CMTM4: variants seen among roughly 807,000 people sequenced by gnomAD.
CMTM4 encodes CKLF-like MARVEL transmembrane domain-containing protein 4.
Under a neutral mutation model 19.0 loss-of-function variants are expected in CMTM4, and 8 were observed. That is an observed-to-expected ratio of 0.42 (90% CI 0.25 to 0.76). CMTM4 has a LOEUF of 0.76. Among genes scored for constraint, CMTM4 ranks in the 30% least tolerant of loss-of-function variants. The pLI is 0.27. For missense variants in CMTM4, 228 were observed against 290.2 expected (o/e 0.79, Z 1.56); for synonymous variants, 106 against 121.1 (o/e 0.88, Z 0.82).
chr16:66,606,272 C>G, the CMTM4 span, among the ~76,000 whole-genome samples: 1 of 151,972 alleles, frequency 6.6e-6, no homozygotes, highest in African/African-American at 2.4e-5. Flanking sequence ...AGGAAGTGGC[C>G]CCAGAAATCG....
At chr16:66,691,678 GCA>G (rs2017138329) in intron 1 of CMTM4, among the ~76,000 whole-genome samples, 1 of 152,174 alleles carries the variant, frequency 6.6e-6, no homozygotes, top group Admixed American at 6.5e-5. Flanking sequence ...TCCAGCCTGG[GCA>G]CAGAGCAGGA....
chr16:66,683,183 A>G lies in CMTM4; in HGVS notation c.186+13157T>C, dbSNP rs531685232. Among the ~76,000 whole-genome samples the G allele has an allele frequency of 4.8e-3, 438 of 90,538 alleles. 2 individuals are homozygous for G. The highest frequency in any genetic ancestry group is 0.024 in the South Asian group (47 of 1,922). 59.4% of individuals were successfully genotyped at this position (90,538 alleles called of 152,430 possible). ...TACGTATATATATATATACATATGT[A>G]TATATATATACATATATATATATAT... On this transcript the variant is annotated intron_variant, in intron 1 of 3. Coordinates refer to ENST00000394106, the MANE Select transcript of CMTM4 (RefSeq NM_181521.3).
intron 1 of CMTM4, among the ~76,000 whole-genome samples, chr16:66,690,143 C>T (rs998810737): frequency 6.6e-6 from 1 of 152,170 alleles, no homozygotes; most frequent in Non-Finnish European, 1.5e-5. Flanking sequence ...TACAAGGAGC[C>T]ACAGAATGGT....
chr16:66,610,117 G>A, downstream of CMTM4: 1 of 1,396,960 alleles, frequency 7.2e-7, no homozygotes, highest in Non-Finnish European at 9.9e-7. The surrounding 1 kb of genome is among the most constrained non-coding windows in gnomAD (Gnocchi z 4.6). Context: ...CCCATGGCAG[G>A]AAGTGTTTTC....
Position 66,636,387 on chromosome 16 carries a change from G to A in CMTM4, c.363+18C>T, listed in dbSNP as rs920732235. On this transcript the variant is annotated intron_variant, in intron 2 of 3. Coordinates refer to ENST00000394106, the MANE Select transcript of CMTM4 (RefSeq NM_181521.3). Reference sequence around the variant, plus strand: ...GGCACGTGATCCTTTCATGGCCAGAGTGGCCGCTTGTACTCACTGTCAGAT... The same window carrying A: ...GGCACGTGATCCTTTCATGGCCAGAATGGCCGCTTGTACTCACTGTCAGAT... 1 of 1,606,784 alleles carries A rather than the reference G, an allele frequency of 6.2e-7. No homozygotes were observed. The highest frequency in any genetic ancestry group is 8.5e-7 in the Non-Finnish European group (1 of 1,174,172).
At chr16:66,645,533 C>A (rs530237514) in intron 1 of CMTM4, among the ~76,000 whole-genome samples, 1 of 151,924 alleles carries the variant, frequency 6.6e-6, no homozygotes, top group Non-Finnish European at 1.5e-5. Flanking sequence ...GCCAAGATTG[C>A]GCCACTGCAT....
At chr16:66,612,334 C>T (rs988971125), downstream of CMTM4, among the ~76,000 whole-genome samples, 6 of 152,096 alleles carry the variant, frequency 3.9e-5, no homozygotes, top group Non-Finnish European at 7.4e-5. This position sits in a 1 kb window ranked among gnomAD's most constrained non-coding sequence, Gnocchi z 6.0. Context: ...GAGATCCCGC[C>T]ATTGCACTCC....
chr16:66,602,898 T>C, the CMTM4 span, among the ~76,000 whole-genome samples: 1 of 152,136 alleles, frequency 6.6e-6, no homozygotes, highest in Admixed American at 6.5e-5. Context: ...AGTGAGCACA[T>C]GGGCTCAAGC....
chr16:66,605,251 C>A, the CMTM4 span: 13 of 264,204 alleles, frequency 4.9e-5, no homozygotes, highest in Non-Finnish European at 2.9e-5. The surrounding 1 kb of genome is among the most constrained non-coding windows in gnomAD (Gnocchi z 4.6). Context: ...GTGAGCCAGG[C>A]GCCCCCGCCC....
intron 1 of CMTM4, among the ~76,000 whole-genome samples, chr16:66,677,708 T>C (rs1477135284): frequency 6.6e-6 from 1 of 151,842 alleles, no homozygotes; most frequent in Non-Finnish European, 1.5e-5. Flanking sequence ...GGTCAAGATT[T>C]TTTTTTTTTT....
At chr16:66,605,599 G>GAGGGAGAGGCCGGGCCGGAGAC in the CMTM4 span, 4 of 153,118 alleles carry the variant, frequency 2.6e-5, no homozygotes, top group Admixed American at 6.5e-5. The surrounding 1 kb of genome is among the most constrained non-coding windows in gnomAD (Gnocchi z 4.6). Flanking sequence ...TGGGGATGGG[G>GAGGGAGAGGCCGGGCCGGAGAC]AGGGAGAGGC....
At chr16:66,693,218 CTA>C in intron 1 of CMTM4, among the ~76,000 whole-genome samples, 1 of 151,576 alleles carries the variant, frequency 6.6e-6, no homozygotes, top group African/African-American at 2.4e-5. Context: ...GAACAAAAGT[CTA>C]ACACAAAGAA....
In CMTM4 at chr16:66,623,595, A is replaced by G. The variant is rs925520197; in HGVS notation, c.364-93T>C. ...GAACTTTCAAAATAAGACCCACGAT[A>G]CCCAACCTCCCTGGTGGCTCCATAT... On this transcript the variant is annotated intron_variant, in intron 2 of 3. Coordinates refer to ENST00000394106, the MANE Select transcript of CMTM4 (RefSeq NM_181521.3). 5.4e-5 allele frequency: 41 copies of G among 762,962 alleles called. No homozygotes were observed. The East Asian group carries it at 1.0e-3, about 19-fold the overall frequency. 47.3% of individuals were successfully genotyped at this position (762,962 alleles called of 1,614,324 possible).
chr16:66,686,983 G>A (rs1286448016), intron 1 of CMTM4, among the ~76,000 whole-genome samples: 1 of 152,056 alleles, frequency 6.6e-6, no homozygotes, highest in Non-Finnish European at 1.5e-5. Context: ...CTTTTCATTT[G>A]AGTCTGTCAT....
In CMTM4 at chr16:66,618,910, T is replaced by A. The variant is rs2015576483; in HGVS notation, c.*3148A>T. 15 of 985,412 alleles carry A rather than the reference T, an allele frequency of 1.5e-5. 1 individual carries two copies. In the South Asian group the frequency reaches 5.6e-4, roughly 37 times the overall value. 61.0% of individuals were successfully genotyped at this position (985,412 alleles called of 1,614,324 possible). A position where few individuals can be genotyped will look rare whatever the true frequency, so the allele number is the denominator to read the frequency against. ...CCGCTGGCTTCCCAGGGCCAAGCGC[T>A]CAGAGCTGGGCCGGACTTGCCCATG... On this transcript the variant is annotated 3_prime_UTR_variant, in exon 4 of 4. Transcript: ENST00000394106.
the CMTM4 span, among the ~76,000 whole-genome samples, chr16:66,607,993 A>G: frequency 7.2e-5 from 11 of 152,232 alleles, no homozygotes; most frequent in Admixed American, 3.3e-4. Flanking sequence ...TTTCAGGCAC[A>G]CACCACCATG....
intron 1 of CMTM4, among the ~76,000 whole-genome samples, chr16:66,688,828 T>C (rs944585241): frequency 6.6e-6 from 1 of 152,230 alleles, no homozygotes; most frequent in Non-Finnish European, 1.5e-5. Context: ...CTTCAGTGTT[T>C]TGTAGTTTTC....
intron 1 of CMTM4, among the ~76,000 whole-genome samples, chr16:66,681,256 C>T (rs1264534142): frequency 6.6e-6 from 1 of 151,846 alleles, no homozygotes; most frequent in Non-Finnish European, 1.5e-5. Flanking sequence ...AATATTACTT[C>T]AATATATAAT....
intron 2 of CMTM4, among the ~76,000 whole-genome samples, chr16:66,627,993 G>A (rs1395654886): frequency 1.3e-5 from 2 of 152,208 alleles, no homozygotes; most frequent in Non-Finnish European, 2.9e-5. Context: ...AAAAACATGT[G>A]AGCAAAGGAA....
Sources: gnomAD v4.1 joint callset for allele counts (sites outside exome capture counted in the v4.1 genomes callset) on GRCh38, gnomAD v4.1.1 for gene constraint, Gnocchi (gnomAD v3.1) non-coding constraint, MANE v1.5 for transcripts, NCBI Gene and HGNC (gene_info 2026-07-23, HGNC 2026-07-21) for gene names.